TMEM132D: variants seen among roughly 807,000 people sequenced by gnomAD.
The protein encoded by TMEM132D is mature OL transmembrane protein.
A neutral mutation model predicts 62.3 loss-of-function variants in TMEM132D; 21 were observed. The ratio of observed to expected loss-of-function variants is 0.34; its 90% CI spans 0.24 to 0.49. The LOEUF (loss-of-function observed/expected upper bound fraction) is 0.49, where lower values mean the gene tolerates loss of function less well. Among genes scored for constraint, TMEM132D ranks in the 20% least tolerant of loss-of-function variants. The probability of loss-of-function intolerance (pLI) is 0.99; values close to 1 mark genes in which losing one functional copy is unlikely to be tolerated. For synonymous variants in TMEM132D, 621 were observed against 575.6 expected (o/e 1.08, Z -1.13); for missense variants, 1,346 against 1,402.8 (o/e 0.96, Z 0.65).
At chr12:129,298,893 G>A (rs10744409) in intron 4 of TMEM132D, among the ~76,000 whole-genome samples, 60,227 of 152,014 alleles carry the variant, frequency 0.4, 13,093 homozygotes, top group East Asian at 0.69. Context: ...ATTATTAAAT[G>A]TGCTGACGAT....
intron 5 of TMEM132D, among the ~76,000 whole-genome samples, chr12:129,143,358 C>T (rs1281697895): frequency 6.6e-6 from 1 of 152,176 alleles, no homozygotes; most frequent in Non-Finnish European, 1.5e-5. Context: ...GGGCATGGAG[C>T]TTTCATGCTT....
intron 4 of TMEM132D, among the ~76,000 whole-genome samples, chr12:129,225,334 G>C (rs1204517059): frequency 6.6e-6 from 1 of 152,192 alleles, no homozygotes; most frequent in Non-Finnish European, 1.5e-5. Flanking sequence ...TGGCCTGAGG[G>C]ATCTGAGTCC....
chr12:129,473,378 G>A (rs1874160748), intron 3 of TMEM132D, among the ~76,000 whole-genome samples: 2 of 114,464 alleles, frequency 1.7e-5, no homozygotes, highest in African/African-American at 3.4e-5. Flanking sequence ...TGCCCAGACT[G>A]GAGTGCAGTG....
intron 5 of TMEM132D, among the ~76,000 whole-genome samples, chr12:129,185,029 A>G (rs1431426962): frequency 6.6e-6 from 1 of 152,238 alleles, no homozygotes; most frequent in African/African-American, 2.4e-5. Flanking sequence ...TCTCAAGTCT[A>G]AAATCAATTA....
rs3046846 is a variant in TMEM132D, at chr12:129,813,611, G to GATATATATATATATATATATATATAT, written c.79+89649_79+89650insATATATATATATATATATATATATAT. On this transcript the variant is annotated intron_variant, in intron 1 of 8. Coordinates refer to ENST00000422113, the MANE Select transcript of TMEM132D (RefSeq NM_133448.3). The stretch of plus-strand genomic sequence containing the variant: ...AAGGATGGACGGATACAGAAAATGT[G>GATATATATATATATATATATATATAT]ATATATATATATATATATATTTTCA... Among the ~76,000 whole-genome samples, 453 of 136,364 alleles carry GATATATATATATATATATATATATAT rather than the reference G, an allele frequency of 3.3e-3. 5 individuals are homozygous for GATATATATATATATATATATATATAT. The highest frequency in any genetic ancestry group is 0.011 in the South Asian group (42 of 3,794). The allele number at this position is 136,364 out of a possible 152,430, so 89.5% of individuals were successfully genotyped here. A position where few individuals can be genotyped will look rare whatever the true frequency, so the allele number is the denominator to read the frequency against.
chr12:129,339,959 C>T (rs1227382498), intron 3 of TMEM132D, among the ~76,000 whole-genome samples: 2 of 152,150 alleles, frequency 1.3e-5, no homozygotes, highest in Admixed American at 1.3e-4. Flanking sequence ...ACCAACAATC[C>T]TTGCCCGCAG....
At chr12:129,790,764 C>G (rs1871381517) in intron 1 of TMEM132D, among the ~76,000 whole-genome samples, 1 of 152,226 alleles carries the variant, frequency 6.6e-6, no homozygotes, top group Admixed American at 6.5e-5. Context: ...CCACCCTCCT[C>G]TGCCCAGAAT....
Position 129,324,874 on chromosome 12 carries a change from T to C in TMEM132D, c.1299+12760A>G, listed in dbSNP as rs117042591. Among the ~76,000 whole-genome samples the C allele has an allele frequency of 5.7e-3, 875 of 152,278 alleles. 4 individuals are homozygous for C. Among genetic ancestry groups the C allele is most frequent in the Non-Finnish European group, 9.7e-3 (663 of 68,026 alleles). On this transcript the variant is annotated intron_variant, in intron 4 of 8. Transcript: ENST00000422113. ...ATAACTACTTTAATTTTTTTGCATG[T>C]GAATATCCCCAAACATGTCTTCTTT... is the stretch of plus-strand genomic sequence containing the variant.
At chr12:129,430,517 G>A (rs1277299333) in intron 3 of TMEM132D, among the ~76,000 whole-genome samples, 1 of 151,970 alleles carries the variant, frequency 6.6e-6, no homozygotes, top group Admixed American at 6.6e-5. Context: ...GGGTCCCACT[G>A]GTCTCAGACT....
chr12:129,409,862 G>A (rs1471162540), intron 3 of TMEM132D, among the ~76,000 whole-genome samples: 3 of 152,200 alleles, frequency 2.0e-5, no homozygotes, highest in African/African-American at 7.2e-5. Flanking sequence ...GCATGAGAAA[G>A]CTGTTCCATG....
chr12:129,466,228 A>G (rs1431442498), intron 3 of TMEM132D, among the ~76,000 whole-genome samples: 1 of 150,596 alleles, frequency 6.6e-6, no homozygotes, highest in African/African-American at 2.4e-5. Flanking sequence ...AGGTCACTAG[A>G]AAGTTGGTGT....
At chr12:129,550,912 G>C (rs1876876931) in intron 2 of TMEM132D, among the ~76,000 whole-genome samples, 1 of 152,196 alleles carries the variant, frequency 6.6e-6, no homozygotes, top group African/African-American at 2.4e-5. Context: ...ACACTATGAG[G>C]CTGTGAGTTC....
intron 3 of TMEM132D, among the ~76,000 whole-genome samples, chr12:129,505,176 A>G (rs1274018574): frequency 6.6e-6 from 1 of 151,894 alleles, no homozygotes; most frequent in African/African-American, 2.4e-5. Context: ...GATGAACAGA[A>G]TGTATATTCT....
chr12:129,697,146 G>C (rs1203536506), intron 2 of TMEM132D, among the ~76,000 whole-genome samples: 1 of 152,152 alleles, frequency 6.6e-6, no homozygotes, highest in Non-Finnish European at 1.5e-5. Flanking sequence ...TCAAACCGTA[G>C]CTGCTGCGTC....
At chr12:129,685,151 A>C (rs1880876635) in intron 2 of TMEM132D, among the ~76,000 whole-genome samples, 2 of 152,244 alleles carry the variant, frequency 1.3e-5, no homozygotes, top group Admixed American at 6.5e-5. Flanking sequence ...CTGGCTACAG[A>C]AATTTGCCTA....
intron 2 of TMEM132D, among the ~76,000 whole-genome samples, chr12:129,612,656 T>C (rs1878806894): frequency 6.6e-6 from 1 of 151,912 alleles, no homozygotes; most frequent in Admixed American, 6.6e-5. Context: ...CTGAGACTCA[T>C]CTTATTTCTT....
At chr12:129,389,941 C>T (rs560773363) in intron 3 of TMEM132D, among the ~76,000 whole-genome samples, 2 of 152,318 alleles carry the variant, frequency 1.3e-5, no homozygotes, top group South Asian at 4.1e-4. Flanking sequence ...TCTTCTACCA[C>T]GGGCAGTTTG....
intron 5 of TMEM132D, among the ~76,000 whole-genome samples, chr12:129,203,539 A>G (rs909781966): frequency 2.6e-5 from 4 of 152,148 alleles, no homozygotes; most frequent in African/African-American, 9.7e-5. Flanking sequence ...CACCCCTGCC[A>G]CTGGTAGCCA....
At chr12:129,250,364 A>C (rs1880233112) in intron 4 of TMEM132D, among the ~76,000 whole-genome samples, 1 of 152,180 alleles carries the variant, frequency 6.6e-6, no homozygotes, top group Admixed American at 6.5e-5. Flanking sequence ...AAAGTTATCT[A>C]TTTTATTGCT....
Sources: allele counts gnomAD v4.1 joint callset (sites outside exome capture counted in the v4.1 genomes callset), GRCh38; gene constraint gnomAD v4.1.1; transcripts MANE v1.5; gene names NCBI Gene and HGNC (gene_info 2026-07-23, HGNC 2026-07-21).